XRN1: variants seen among roughly 807,000 people sequenced by gnomAD.
XRN1 encodes the protein 5'-3' exoribonuclease 1.
Under a neutral mutation model 222.3 loss-of-function variants are expected in XRN1, and 67 were observed. The ratio of observed to expected loss-of-function variants is 0.30; its 90% confidence interval spans 0.25 to 0.37. XRN1 has a LOEUF of 0.37. Among genes scored for constraint, XRN1 ranks in the 10% least tolerant of loss-of-function variants. The pLI is 1.00. For synonymous variants in XRN1, 643 were observed against 652.4 expected, an observed-to-expected ratio of 0.99 and a Z score of 0.22; for missense variants, 1,707 against 2,000.2, an observed-to-expected ratio of 0.85 and a Z score of 2.80.
rs762655526 is a variant in XRN1 at position 142,311,303 on chromosome 3, C to A, written c.*208G>T. The A allele has an allele frequency of 4.9e-6, 2 of 405,960 alleles. No individual in the cohort carries two copies. The highest frequency in any genetic ancestry group is 8.6e-6 in the Non-Finnish European group (2 of 232,298). 25.1% of individuals were successfully genotyped at this position (405,960 alleles called of 1,614,324 possible). A position where few individuals can be genotyped will look rare whatever the true frequency, so the allele number is the denominator to read the frequency against. On this transcript the variant is annotated 3_prime_UTR_variant, in exon 41 of 41. Transcript: ENST00000392981. ...GATTTATTGAGGTATAATTGACATA[C>A]AACAAACTGCACATACTTAAAGTGC...
intron 12 of XRN1, among the ~76,000 whole-genome samples, 166 bp from the exon 13 acceptor site, chr3:142,417,395 A>T (rs1197687230): frequency 2.0e-5 from 3 of 152,254 alleles, no homozygotes; most frequent in Non-Finnish European, 4.4e-5. Flanking sequence ...AAATATTTTT[A>T]AAAATTACAT....
intron 20 of XRN1, among the ~76,000 whole-genome samples, chr3:142,394,281 T>A (rs2067846273): frequency 6.6e-6 from 1 of 152,228 alleles, no homozygotes; most frequent in Admixed American, 6.5e-5. Context: ...CAAAATCCAG[T>A]GCTGAGTAAA....
chr3:142,406,651 C>G (rs920456823), intron 15 of XRN1, among the ~76,000 whole-genome samples: 1 of 152,040 alleles, frequency 6.6e-6, no homozygotes, highest in African/African-American at 2.4e-5. Flanking sequence ...TTCAGTCTCC[C>G]AGGTAGCTGG....
intron 31 of XRN1, among the ~76,000 whole-genome samples, chr3:142,356,493 CATA>C (rs1414273391): frequency 6.6e-6 from 1 of 152,144 alleles, no homozygotes; most frequent in Non-Finnish European, 1.5e-5. Flanking sequence ...GGAAATCACC[CATA>C]AATTGTATGG....
At chr3:142,312,066 C>T (rs766604700) in intron 40 of XRN1, among the ~76,000 whole-genome samples, 3 of 151,988 alleles carry the variant, frequency 2.0e-5, no homozygotes, top group Non-Finnish European at 4.4e-5. Flanking sequence ...GCAGGTGGAT[C>T]GGTAGAGACC....
intron 32 of XRN1, among the ~76,000 whole-genome samples, chr3:142,349,877 G>A (rs1314041455): frequency 6.6e-6 from 1 of 152,258 alleles, no homozygotes; most frequent in South Asian, 2.1e-4. Flanking sequence ...TTGCATGTAG[G>A]AGATAATGAG....
intron 1 of XRN1, among the ~76,000 whole-genome samples, chr3:142,437,030 G>T (rs1001396299): frequency 6.6e-6 from 1 of 151,982 alleles, no homozygotes. Context: ...AGAAATATTT[G>T]AAAAATTCTC....
chr3:142,433,548 A>G (rs1336621495), intron 1 of XRN1, among the ~76,000 whole-genome samples: 1 of 152,138 alleles, frequency 6.6e-6, no homozygotes, highest in African/African-American at 2.4e-5. Flanking sequence ...TTTTTCCTCT[A>G]TTTAAATGTT....
At chr3:142,435,748 C>A (rs1275179894) in intron 1 of XRN1, among the ~76,000 whole-genome samples, 3 of 133,104 alleles carry the variant, frequency 2.3e-5, no homozygotes, top group African/African-American at 9.0e-5. Flanking sequence ...CAGAGTGAAA[C>A]TGTCCCCACC....
intron 20 of XRN1, among the ~76,000 whole-genome samples, chr3:142,392,000 C>G (rs2067742943): frequency 6.6e-6 from 1 of 151,976 alleles, no homozygotes; most frequent in African/African-American, 2.4e-5. Context: ...CTTCCTTGCC[C>G]CCTTTTCCAG....
At chr3:142,388,042 T>C (rs2067574399) in intron 20 of XRN1, among the ~76,000 whole-genome samples, 1 of 152,182 alleles carries the variant, frequency 6.6e-6, no homozygotes, top group Non-Finnish European at 1.5e-5. Flanking sequence ...ACATACCTCT[T>C]TTCTTTATAA....
At chr3:142,332,941 T>A in intron 35 of XRN1, 26 bp downstream of exon 35, 2 of 1,610,874 alleles carry the variant, frequency 1.2e-6, no homozygotes, top group Non-Finnish European at 1.7e-6. Flanking sequence ...ATTACCACAG[T>A]AAGAAAGTTC....
At chr3:142,405,436 T>C (rs1164263896) in intron 15 of XRN1, among the ~76,000 whole-genome samples, 2 of 152,196 alleles carry the variant, frequency 1.3e-5, no homozygotes, top group Admixed American at 6.5e-5. Flanking sequence ...AATTCTGTAG[T>C]AGTATAGTGA....
Position 142,425,518 on chromosome 3 carries a change from A to T in XRN1, c.427T>A (p.Leu143Ile). 2.5e-6 allele frequency: 4 copies of T among 1,612,502 alleles called. No individual in the cohort carries two copies. Among genetic ancestry groups the T allele is most frequent in the Non-Finnish European group, 3.4e-6 (4 of 1,179,194 alleles). Reference sequence around the variant, plus strand: ...ACAAAATACTTCAGATGTTCATGTAACCTGGCCATAAATTCAGTTCCTAAA... The same window carrying T: ...ACAAAATACTTCAGATGTTCATGTATCCTGGCCATAAATTCAGTTCCTAAA... ...ITPGTEFMAR[L>I]HEHLKYFVNM... is the part of the protein sequence containing the mutation. The change falls in exon 4 of 41, where the codon TTA becomes ATA. Residue 143 changes from leucine to isoleucine, a missense_variant. Around this residue, in one of 2 missense-constraint regions of XRN1, gnomAD observed 1,234 missense variants for 1,518.2 expected, o/e 0.81. Coordinates refer to ENST00000392981, the MANE Select transcript of XRN1 (RefSeq NM_001282857.2).
chr3:142,372,004 T>C (rs1201505558), intron 25 of XRN1, among the ~76,000 whole-genome samples: 2 of 152,144 alleles, frequency 1.3e-5, no homozygotes, highest in South Asian at 2.1e-4. Context: ...AAGAAGCAAG[T>C]TGATTTAAAA....
chr3:142,393,517 G>C (rs2067813599), intron 20 of XRN1, among the ~76,000 whole-genome samples: 1 of 150,434 alleles, frequency 6.6e-6, no homozygotes, highest in Non-Finnish European at 1.5e-5. Context: ...GTGTAAGGAA[G>C]GGATCCAGTT....
In XRN1 at chr3:142,355,592, T is replaced by C. The variant is rs76677076; in HGVS notation, c.3673-96A>G. The C allele has an allele frequency of 1.3e-3, 1,054 of 809,708 alleles. 27 individuals carry two copies. The East Asian group carries it at 0.031, about 24-fold the overall frequency. 50.2% of individuals were successfully genotyped at this position (809,708 alleles called of 1,614,324 possible). ...TAATTCATCTATTAATGTTATTCAGTGGTAGACAGGATATTAAACCTTTTT... is the reference window on the plus strand; with the variant it reads ...TAATTCATCTATTAATGTTATTCAGCGGTAGACAGGATATTAAACCTTTTT... On this transcript the variant is annotated intron_variant, in intron 31 of 40. Transcript: ENST00000392981.
intron 22 of XRN1, among the ~76,000 whole-genome samples, chr3:142,382,626 C>G (rs2067343014): frequency 6.6e-6 from 1 of 152,124 alleles, no homozygotes; most frequent in African/African-American, 2.4e-5. Context: ...GATCCAGAAT[C>G]AGCAATTTCT....
intron 1 of XRN1, among the ~76,000 whole-genome samples, chr3:142,434,560 C>T (rs2069787718): frequency 7.5e-6 from 1 of 134,182 alleles, no homozygotes; most frequent in African/African-American, 2.8e-5. Flanking sequence ...CCAAAGTTTT[C>T]CTAGGAGAAT....
Sources: allele counts gnomAD v4.1 joint callset (sites outside exome capture counted in the v4.1 genomes callset), GRCh38; gene constraint gnomAD v4.1.1; regional missense constraint gnomAD v4.1.1; transcripts MANE v1.5; gene names NCBI Gene and HGNC (gene_info 2026-07-23, HGNC 2026-07-21).